Variants in NBPF9 observed in about 807,000 individuals in gnomAD.
NBPF9 encodes the protein NBPF member 9.
NBPF9 carries 91 observed loss-of-function variants against 97.8 expected under a neutral mutation model. The ratio of observed to expected loss-of-function variants is 0.93; its 90% CI spans 0.79 to 1.11. The LOEUF is 1.11. Ranked by LOEUF, NBPF9 falls within the 50% of genes least tolerant of loss-of-function variation. NBPF9 has a pLI of 0.00. For synonymous variants in NBPF9, 334 were observed against 359.5 expected, an observed-to-expected ratio of 0.93 and a Z score of 0.80; for missense variants, 992 against 939.5, an observed-to-expected ratio of 1.06 and a Z score of -0.73.
chr1:149,060,010 C>A, intron 24 of NBPF9: 2 of 381,638 alleles, frequency 5.2e-6, no homozygotes, highest in East Asian at 6.2e-5. Flanking sequence ...GGTAAAATGT[C>A]CCTATTCTAG....
exon 20 of NBPF9, chr1:149,063,714 G>A (rs1553650770): frequency 5.0e-6 from 3 of 604,348 alleles, no homozygotes; most frequent in Non-Finnish European, 8.7e-6. Context: ...GAGTCAGTCA[G>A]TTCAAGACAA....
Position 149,081,894 on chromosome 1 carries a change from G to A in NBPF9, c.175+71C>T. 6 of 1,000,374 alleles carry A rather than the reference G, an allele frequency of 6.0e-6. No homozygotes were observed. The South Asian group carries it at 6.6e-5, about 11-fold the overall frequency. 62.0% of individuals were successfully genotyped at this position (1,000,374 alleles called of 1,614,324 possible). A position where few individuals can be genotyped will look rare whatever the true frequency, so the allele number is the denominator to read the frequency against. ...GATGAAATTATTTTTGATGGAGAGA[G>A]CATTTAGTGTCTCAGAGAGAAGACA... On this transcript the variant is annotated intron_variant, in intron 7 of 29. Transcript: ENST00000584027.
rs781872023 is a variant in NBPF9 at position 149,074,709 on chromosome 1, A to T, written c.989-839T>A. 7.6e-4 allele frequency among the ~76,000 whole-genome samples: 115 copies of T among 150,968 alleles called. 3 individuals are homozygous for T. The highest frequency in any genetic ancestry group is 3.4e-3 in the Middle Eastern group (1 of 292). ...TATCTCCACACATTCTCGGGTGCGA[A>T]CTTTCTTCCTCTTTAGCAACAAGAC... is the stretch of plus-strand genomic sequence containing the variant. On this transcript the variant is annotated intron_variant, in intron 12 of 29. Transcript: ENST00000584027.
At chr1:149,081,528 C>T (rs1327675759) in intron 7 of NBPF9, among the ~76,000 whole-genome samples, 7 of 151,936 alleles carry the variant, frequency 4.6e-5, no homozygotes, top group Non-Finnish European at 5.9e-5. Context: ...CCAAGTTCCC[C>T]TCAGAGTCAC....
intron 5 of NBPF9, among the ~76,000 whole-genome samples, chr1:149,082,957 CTTTTTT>C (rs1157992196): frequency 1.2e-3 from 78 of 66,452 alleles, no homozygotes; most frequent in African/African-American, 2.5e-3. Context: ...TTTTTCTTTT[CTTTTTT>C]TTTTTTTTTT....
chr1:149,071,839 A>G (rs1158330512), intron 14 of NBPF9, among the ~76,000 whole-genome samples, 163 bp from the exon 15 acceptor site: 22 of 150,912 alleles, frequency 1.5e-4, no homozygotes, highest in Non-Finnish European at 2.2e-4. Flanking sequence ...TGGTTTCCTG[A>G]TCCATCAGGC....
intron 21 of NBPF9, among the ~76,000 whole-genome samples, chr1:149,062,539 T>C (rs1280239405): frequency 7.0e-6 from 1 of 142,846 alleles, no homozygotes; most frequent in Non-Finnish European, 1.5e-5. Context: ...CAAAGGACAC[T>C]CTGAGTTAGT....
intron 21 of NBPF9, 120 bp from the exon 22 acceptor site, chr1:149,062,385 T>G: frequency 1.5e-6 from 1 of 665,610 alleles, no homozygotes; most frequent in Admixed American, 2.3e-5. Flanking sequence ...GATCCATTAA[T>G]GAGGTAATGA....
intron 5 of NBPF9, among the ~76,000 whole-genome samples, chr1:149,084,768 C>A (rs2080853175): frequency 1.3e-5 from 2 of 150,320 alleles, no homozygotes; most frequent in East Asian, 4.7e-4. Context: ...ACTGGTCAAG[C>A]TTTGTCATGA....
At chr1:149,097,155 G>C (rs1357689573) in intron 4 of NBPF9, among the ~76,000 whole-genome samples, 1 of 151,608 alleles carries the variant, frequency 6.6e-6, no homozygotes, top group Non-Finnish European at 1.5e-5. Context: ...GAGAGAAAAA[G>C]AGTGGGAGAG....
rs1302848966 is a variant in NBPF9 at position 149,059,888 on chromosome 1, C to A, written c.2477-80G>T. The A allele has an allele frequency of 1.4e-5, 7 of 485,288 alleles. 1 individual carries two copies. The highest frequency in any genetic ancestry group is 2.6e-5 in the African/African-American group (1 of 38,716). The allele number at this position is 485,288 out of a possible 1,614,324, so 30.1% of individuals were successfully genotyped here. ...AACAATCCACTGTCTAATCCTCACA[C>A]AGGGACCTCAGGCTCCTCAGCATAA... On this transcript the variant is annotated intron_variant, in intron 24 of 29. Transcript: ENST00000584027.
rs1223757119 is a variant in NBPF9, at chr1:149,077,504, C to A, written c.567-85G>T. 7 of 1,581,856 alleles carry A rather than the reference C, an allele frequency of 4.4e-6. 1 individual carries two copies. Among genetic ancestry groups the A allele is most frequent in the Non-Finnish European group, 6.1e-6 (7 of 1,152,434 alleles). ...GGGAGTACTAGCTGGTTTTGACAGG[C>A]GGCATTAAGAGAGTGGTTCCAGAAA... On this transcript the variant is annotated intron_variant, in intron 10 of 29. Coordinates refer to ENST00000584027, the Ensembl canonical transcript of NBPF9.
At chr1:149,055,552 T>C in exon 30 of NBPF9, 3 of 1,567,540 alleles carry the variant, frequency 1.9e-6, no homozygotes, top group East Asian at 2.2e-5. Context: ...CACTGACCCA[T>C]CCTATGTCTG....
chr1:149,089,882 G>A (rs1382372757), intron 5 of NBPF9, among the ~76,000 whole-genome samples: 1 of 152,236 alleles, frequency 6.6e-6, no homozygotes, highest in East Asian at 1.9e-4. Flanking sequence ...GAGGGAAGGT[G>A]CAAGAGAATA....
chr1:149,080,405 C>T (rs1350124725), intron 7 of NBPF9, among the ~76,000 whole-genome samples: 4 of 150,810 alleles, frequency 2.7e-5, no homozygotes, highest in South Asian at 4.2e-4. Context: ...TCAACCACAA[C>T]GAAGTGGAGT....
At chr1:149,082,957 C>CTTTTTTTTTTCTTTT (rs2080629176) in intron 5 of NBPF9, among the ~76,000 whole-genome samples, 2 of 66,470 alleles carry the variant, frequency 3.0e-5, no homozygotes, top group Non-Finnish European at 2.6e-5. Context: ...TTTTTCTTTT[C>CTTTTTTTTTTCTTTT]TTTTTTTTTT....
intron 26 of NBPF9, 23 bp downstream of exon 26, chr1:149,058,902 C>A: frequency 1.8e-6 from 1 of 563,710 alleles, no homozygotes; most frequent in Non-Finnish European, 3.2e-6. Flanking sequence ...GGAGGCTTAT[C>A]ACCTTCATAG....
chr1:149,084,461 C>T (rs1387805718), intron 5 of NBPF9, among the ~76,000 whole-genome samples: 6 of 146,512 alleles, frequency 4.1e-5, no homozygotes, highest in Admixed American at 6.8e-5. Flanking sequence ...TTTTAAGTGG[C>T]GGAGCGAGGG....
At chr1:149,055,847 G>C (rs1553648707) in exon 30 of NBPF9, 3 of 1,606,336 alleles carry the variant, frequency 1.9e-6, no homozygotes, top group South Asian at 2.2e-5. Flanking sequence ...CATCCATCCA[G>C]TGAGTCCTGC....
Sources: allele counts gnomAD v4.1 joint callset (sites outside exome capture counted in the v4.1 genomes callset), GRCh38; gene constraint gnomAD v4.1.1; transcripts MANE v1.5; gene names NCBI Gene and HGNC (gene_info 2026-07-23, HGNC 2026-07-21).